ITGB2: variants seen among roughly 807,000 people sequenced by gnomAD.
ITGB2 encodes the protein integrin subunit beta 2, also known as integrin beta-2.
ITGB2 carries 56 observed loss-of-function variants against 86.8 expected under a neutral mutation model. That is an observed-to-expected ratio of 0.65 (90% CI 0.52 to 0.81). The LOEUF (loss-of-function observed/expected upper bound fraction) is 0.81. ITGB2 is among the 30% of genes least tolerant of loss of function. ITGB2 has a pLI of 0.00. For missense variants in ITGB2, 948 were observed against 1,061.2 expected, an observed-to-expected ratio of 0.89 and a Z score of 1.48; for synonymous variants, 457 against 450.4, an observed-to-expected ratio of 1.01 and a Z score of -0.19.
intron 8 of ITGB2, among the ~76,000 whole-genome samples, chr21:44,897,867 A>T (rs1281098678): frequency 6.6e-6 from 1 of 152,150 alleles, no homozygotes; most frequent in Non-Finnish European, 1.5e-5. Flanking sequence ...GCAGGCTGCT[A>T]TGGGCGGAGG....
upstream of ITGB2, among the ~76,000 whole-genome samples, chr21:44,925,757 T>C (rs1346088820): frequency 6.6e-6 from 1 of 152,128 alleles, no homozygotes; most frequent in Non-Finnish European, 1.5e-5. Context: ...ATAATCCCAA[T>C]GCTGAAATGA....
upstream of ITGB2, among the ~76,000 whole-genome samples, chr21:44,922,501 C>G (rs892243249): frequency 6.6e-6 from 1 of 151,850 alleles, no homozygotes; most frequent in Non-Finnish European, 1.5e-5. Flanking sequence ...AGACCCTCAT[C>G]TCTACAAAAA....
At chr21:44,921,505 A>T (rs2084304427), upstream of ITGB2, among the ~76,000 whole-genome samples, 1 of 152,024 alleles carries the variant, frequency 6.6e-6, no homozygotes, top group South Asian at 2.1e-4. Flanking sequence ...GGATGGATGG[A>T]TGAGGTCCTG....
chr21:44,923,811 T>C (rs2084338736), upstream of ITGB2, among the ~76,000 whole-genome samples: 3 of 152,182 alleles, frequency 2.0e-5, no homozygotes. Flanking sequence ...AATTAAAAAG[T>C]AAAAAGTGTA....
upstream of ITGB2, among the ~76,000 whole-genome samples, chr21:44,925,536 G>A (rs1196085037): frequency 6.6e-6 from 1 of 152,140 alleles, no homozygotes; most frequent in African/African-American, 2.4e-5. Context: ...GCCCACAAGA[G>A]GCAGGTCTGG....
intron 12 of ITGB2, 87 bp from the exon 13 acceptor site, chr21:44,889,582 C>T: frequency 8.4e-7 from 1 of 1,191,378 alleles, no homozygotes. Context: ...CTCCCTCCGG[C>T]CCGCCTGCCT....
chr21:44,894,754 CACA>C, intron 9 of ITGB2: 1 of 608,986 alleles, frequency 1.6e-6, no homozygotes, highest in Admixed American at 2.5e-5. Flanking sequence ...GAGCATCGCC[CACA>C]ACATCAACGA....
chr21:44,886,966 A>T lies in ITGB2; in HGVS notation c.2081-64T>A, dbSNP rs1233505978. 3.8e-6 allele frequency: 6 copies of T among 1,588,672 alleles called. No individual in the cohort carries two copies. In the South Asian group the frequency reaches 4.4e-5, roughly 12 times the overall value. ...CCATCTCACTGAGCCGTGTGCCCACAGGTCCGAGGTCACCCCACAACACAG... is the reference window on the plus strand; with the variant it reads ...CCATCTCACTGAGCCGTGTGCCCACTGGTCCGAGGTCACCCCACAACACAG... On this transcript the variant is annotated intron_variant, in intron 14 of 15. Transcript: ENST00000652462.
At chr21:44,890,986 T>C (rs1283227184) in intron 11 of ITGB2, among the ~76,000 whole-genome samples, 1 of 150,728 alleles carries the variant, frequency 6.6e-6, no homozygotes, top group Non-Finnish European at 1.5e-5. Flanking sequence ...ATCATTGTCC[T>C]GAGATATGGG....
upstream of ITGB2, among the ~76,000 whole-genome samples, chr21:44,923,712 T>C (rs776723932): frequency 2.0e-5 from 3 of 152,254 alleles, no homozygotes; most frequent in Non-Finnish European, 4.4e-5. Flanking sequence ...GTGGTGATGG[T>C]TGCACAGTAC....
chr21:44,908,104 G>A, intron 3 of ITGB2: 1 of 721,964 alleles, frequency 1.4e-6, no homozygotes, highest in Non-Finnish European at 2.6e-6. Context: ...TCAGTCCGAG[G>A]ACAGACGGGA....
rs773732447 is a variant in ITGB2, at chr21:44,889,438, G to A, written c.1715C>T (p.Ala572Val). Residue 572 changes from alanine (A) to valine (V), a missense_variant, in exon 13 of 16, where the codon GCG (alanine) becomes GTG (valine). Ala to Val is a moderately conservative substitution (Grantham distance 64, BLOSUM62 0). Transcript: ENST00000652462. ...CRCHPGFEGS[A>V]CQCERTTEGC... Reference sequence around the variant, plus strand: ...CTCAGTGGTCCTCTCGCACTGGCACGCTGAGCCCTCAAAGCCCGGGTGGCA... The same window carrying A: ...CTCAGTGGTCCTCTCGCACTGGCACACTGAGCCCTCAAAGCCCGGGTGGCA... 29 of 1,607,216 alleles carry A rather than the reference G, an allele frequency of 1.8e-5. No homozygotes were observed. The highest frequency in any genetic ancestry group is 4.5e-5 in the East Asian group (2 of 44,518).
At position 44,907,084 on chromosome 21, in the gene ITGB2, C is replaced by T. The variant is rs200150384; in HGVS notation, c.159G>A (p.Gly53=). The T allele has an allele frequency of 1.5e-4, 238 of 1,601,938 alleles. No individual in the cohort carries two copies. The highest frequency in any genetic ancestry group is 1.8e-4 in the Non-Finnish European group (212 of 1,171,864). The change falls in exon 4 of 16, where the codon GGG becomes GGA. Residue 53 remains glycine, a synonymous_variant. Transcript: ENST00000652462. ...AGCGAATGGAGTCAGGATCCCCCGG[C>T]CCTGTGAAGTTCTGGGGAGGGGGAG... ...CTWCQKLNFT[G]PGDPDSIRCD...
intron 8 of ITGB2, among the ~76,000 whole-genome samples, chr21:44,895,860 T>G (rs1301396887): frequency 4.5e-5 from 6 of 134,018 alleles, no homozygotes; most frequent in African/African-American, 6.6e-5. Flanking sequence ...TGAAATGAAA[T>G]GAAATGAAAT....
intron 11 of ITGB2, 74 bp downstream of exon 11, chr21:44,891,735 C>T (rs1488368614): frequency 1.9e-6 from 3 of 1,540,942 alleles, no homozygotes; most frequent in African/African-American, 1.4e-5. Context: ...CACCTGCACC[C>T]ACCTCACCTG....
At chr21:44,893,327 TGG>T in intron 10 of ITGB2, 75 bp downstream of exon 10, 1 of 1,572,046 alleles carries the variant, frequency 6.4e-7, no homozygotes, top group Non-Finnish European at 8.7e-7. Flanking sequence ...TGTGCTGGGA[TGG>T]GGACCCTGGC....
chr21:44,887,856 C>G (rs528937461), intron 14 of ITGB2, among the ~76,000 whole-genome samples: 27 of 152,312 alleles, frequency 1.8e-4, no homozygotes, highest in Admixed American at 8.5e-4. Context: ...GCTCAGAGAC[C>G]CCCGCCGCCT....
At position 44,899,530 on chromosome 21, in the gene ITGB2, C is replaced by T. The variant is rs140325359; in HGVS notation, c.898-368G>A. ...AGTGTCAGGTGCGGCTCTCCCTACC[C>T]GAGTTCCGGGACCCGAGGGCCGTCC... is the stretch of plus-strand genomic sequence containing the variant. On this transcript the variant is annotated intron_variant, in intron 7 of 15. Coordinates refer to ENST00000652462, the MANE Select transcript of ITGB2 (RefSeq NM_000211.5). 9.6e-3 allele frequency among the ~76,000 whole-genome samples: 1,427 copies of T among 149,300 alleles called. 26 individuals carry two copies. Among genetic ancestry groups the T allele is most frequent in the African/African-American group, 0.034 (1,364 of 40,040 alleles).
rs571269984 is a variant in ITGB2, at chr21:44,893,145, A to G, written c.1224+259T>C. On this transcript the variant is annotated intron_variant, in intron 10 of 15. Coordinates refer to ENST00000652462, the MANE Select transcript of ITGB2 (RefSeq NM_000211.5). ...CTGACGTTCCTGACATCAGCTTCACAAGGAAAGCGTCTGGCCTCGGCAGAG... is the reference window on the plus strand; with the variant it reads ...CTGACGTTCCTGACATCAGCTTCACGAGGAAAGCGTCTGGCCTCGGCAGAG... 23 of 435,194 alleles carry G rather than the reference A, an allele frequency of 5.3e-5. 1 individual carries two copies. Among genetic ancestry groups the G allele is most frequent in the South Asian group, 4.0e-4 (19 of 46,972 alleles). The allele number at this position is 435,194 out of a possible 1,614,324, so 27.0% of individuals were successfully genotyped here.
Sources: allele counts gnomAD v4.1 joint callset (sites outside exome capture counted in the v4.1 genomes callset), GRCh38; gene constraint gnomAD v4.1.1; transcripts MANE v1.5; gene names NCBI Gene and HGNC (gene_info 2026-07-23, HGNC 2026-07-21).